Variants in MSI2 observed in about 807,000 individuals in gnomAD.
MSI2 encodes the protein RNA-binding protein Musashi homolog 2.
MSI2 carries 17 observed loss-of-function variants against 45.6 expected under a neutral mutation model. That is an observed-to-expected ratio of 0.37 (90% confidence interval 0.26 to 0.56). The LOEUF (loss-of-function observed/expected upper bound fraction) is 0.56. Among genes scored for constraint, MSI2 ranks in the 20% least tolerant of loss-of-function variants. The pLI is 0.77. For missense variants in MSI2, 293 were observed against 444.2 expected (o/e 0.66, Z 3.06); for synonymous variants, 156 against 158.2 (o/e 0.99, Z 0.11).
At position 57,630,188 on chromosome 17, in the gene MSI2, G is replaced by GGGC. The variant is rs1555634719; in HGVS notation, c.727+2887_727+2888insCGG. On this transcript the variant is annotated intron_variant, in intron 10 of 13. Coordinates refer to ENST00000284073, the MANE Select transcript of MSI2 (RefSeq NM_138962.4). ...CAAGACTTTGGGAACTGGGGGGGCG[G>GGGC]GGGATGGACTGGGCTGCAGGAAGGA... 4 of 148,400 alleles carry GGGC rather than the reference G, an allele frequency of 2.7e-5. No individual in the cohort carries two copies. In the East Asian group the frequency reaches 6.7e-4, roughly 25 times the overall value. The allele number at this position is 148,400 out of a possible 1,614,324, so 9.2% of individuals were successfully genotyped here.
chr17:57,336,848 G>A (rs1196443484), intron 5 of MSI2, among the ~76,000 whole-genome samples: 21 of 152,240 alleles, frequency 1.4e-4, no homozygotes, highest in South Asian at 1.2e-3. Flanking sequence ...ATCATCTCAC[G>A]GTGTCTGAGG....
the MSI2 span, among the ~76,000 whole-genome samples, chr17:57,692,791 T>C: frequency 6.6e-6 from 1 of 152,152 alleles, no homozygotes; most frequent in Non-Finnish European, 1.5e-5. Flanking sequence ...TGCATAATTT[T>C]GATGCTAAAT....
intron 5 of MSI2, chr17:57,263,485 C>T (rs1039744173): frequency 1.3e-5 from 2 of 152,188 alleles, no homozygotes; most frequent in African/African-American, 4.8e-5. Flanking sequence ...CTTCACATTT[C>T]AGAGGGCTTC....
chr17:57,627,266 C>T lies in MSI2; in HGVS notation c.690C>T (p.Tyr230=), dbSNP rs779937924. The part of the protein sequence containing the change: ...PNFVATYGRG[Y]PGFAPSYGYQ... ...TCGTGGCGACCTATGGCCGTGGCTA[C>T]CCCGGATTTGCTCCAAGCTATGGCT... is the stretch of plus-strand genomic sequence containing the variant. The change falls in exon 10 of 14, where the codon TAC becomes TAT. Residue 230 remains tyrosine, a synonymous_variant. Transcript: ENST00000284073. This position sits in a 1 kb window ranked among gnomAD's most constrained non-coding sequence, Gnocchi z 4.6. The T allele has an allele frequency of 6.2e-7, 1 of 1,614,050 alleles. No individual in the cohort carries two copies. Among genetic ancestry groups the T allele is most frequent in the Admixed American group, 1.7e-5 (1 of 60,000 alleles).
In MSI2 at chr17:57,348,612, C is replaced by T. The variant is rs574876436; in HGVS notation, c.313-52767C>T. Among the ~76,000 whole-genome samples, 6 of 152,260 alleles carry T rather than the reference C, an allele frequency of 3.9e-5. No homozygotes were observed. In the East Asian group the frequency reaches 7.7e-4, roughly 20 times the overall value. On this transcript the variant is annotated intron_variant, in intron 5 of 13. Coordinates refer to ENST00000284073, the MANE Select transcript of MSI2 (RefSeq NM_138962.4). The stretch of plus-strand genomic sequence containing the variant: ...CCTTTCTTGCCATGTGATACATTGG[C>T]TCCCCTTCCCCCTCCGCCATGATTA...
At chr17:57,576,921 G>A (rs556801016) in intron 7 of MSI2, among the ~76,000 whole-genome samples, 20 of 152,114 alleles carry the variant, frequency 1.3e-4, no homozygotes, top group African/African-American at 1.2e-4. Context: ...TGCTAAGGAC[G>A]CCACCACAAA....
intron 7 of MSI2, among the ~76,000 whole-genome samples, chr17:57,551,128 C>CTTA (rs896516873): frequency 5.9e-5 from 9 of 152,150 alleles, no homozygotes; most frequent in African/African-American, 2.2e-4. Flanking sequence ...CACATAATGG[C>CTTA]TTACTTCTGT....
chr17:57,306,606 C>A (rs1022529463), intron 5 of MSI2, among the ~76,000 whole-genome samples: 1 of 152,240 alleles, frequency 6.6e-6, no homozygotes, highest in Non-Finnish European at 1.5e-5. Context: ...GAAAGAGATC[C>A]TGTCACCCCT....
chr17:57,563,707 GTCTC>G (rs577585040), intron 7 of MSI2, among the ~76,000 whole-genome samples: 10 of 145,534 alleles, frequency 6.9e-5, no homozygotes, highest in Middle Eastern at 6.9e-3. Flanking sequence ...CTGTCTGTCT[GTCTC>G]TCTCTCTCTT....
At chr17:57,344,573 T>C (rs752943017) in intron 5 of MSI2, among the ~76,000 whole-genome samples, 3 of 152,218 alleles carry the variant, frequency 2.0e-5, no homozygotes, top group Non-Finnish European at 2.9e-5. Context: ...TACTAGAGCG[T>C]CTTTGCTCAA....
At chr17:57,589,706 C>A (rs1467754694) in intron 7 of MSI2, among the ~76,000 whole-genome samples, 1 of 152,208 alleles carries the variant, frequency 6.6e-6, no homozygotes, top group Non-Finnish European at 1.5e-5. Flanking sequence ...ACTTACTGAT[C>A]CAAAGAAGAC....
chr17:57,491,943 T>C (rs1007205757), intron 6 of MSI2, among the ~76,000 whole-genome samples: 4 of 152,178 alleles, frequency 2.6e-5, no homozygotes, highest in Admixed American at 6.5e-5. Context: ...TTAAAACTTA[T>C]TTTCTTTCTC....
At chr17:57,340,885 G>A (rs1240789200) in intron 5 of MSI2, among the ~76,000 whole-genome samples, 1 of 152,168 alleles carries the variant, frequency 6.6e-6, no homozygotes, top group Non-Finnish European at 1.5e-5. Context: ...TTTGCATCTT[G>A]GCTGCTCCTC....
At chr17:57,295,323 G>C (rs1299008579) in intron 5 of MSI2, among the ~76,000 whole-genome samples, 1 of 152,256 alleles carries the variant, frequency 6.6e-6, no homozygotes, top group Non-Finnish European at 1.5e-5. Flanking sequence ...GGAGCTAGAA[G>C]GGTGCTGGTG....
intron 6 of MSI2, among the ~76,000 whole-genome samples, chr17:57,478,976 A>G (rs186690873): frequency 3.2e-4 from 48 of 152,178 alleles, no homozygotes; most frequent in African/African-American, 1.1e-3. Flanking sequence ...TGGGGTGGAA[A>G]ACAGAACTCC....
At chr17:57,317,868 G>A (rs556349665) in intron 5 of MSI2, among the ~76,000 whole-genome samples, 9 of 152,242 alleles carry the variant, frequency 5.9e-5, no homozygotes, top group African/African-American at 1.7e-4. Context: ...CAGAATGTGG[G>A]CCAGGCACAG....
At chr17:57,674,491 C>T (rs1913077128) in intron 11 of MSI2, among the ~76,000 whole-genome samples, 1 of 151,596 alleles carries the variant, frequency 6.6e-6, no homozygotes. Context: ...AATATTAACA[C>T]AATGTGTAGT....
chr17:57,435,541 G>C (rs977443187), intron 6 of MSI2, among the ~76,000 whole-genome samples: 3 of 152,198 alleles, frequency 2.0e-5, no homozygotes, highest in Non-Finnish European at 4.4e-5. Flanking sequence ...AGCACCAAAG[G>C]TGATCTGGCT....
chr17:57,699,251 A>G, the MSI2 span, among the ~76,000 whole-genome samples: 1,169 of 127,214 alleles, frequency 9.2e-3, 17 homozygotes, highest in Middle Eastern at 0.036. Flanking sequence ...GCCACTCTCA[A>G]ATGACCCTAA....
Sources: allele counts gnomAD v4.1 joint callset (sites outside exome capture counted in the v4.1 genomes callset), GRCh38; gene constraint gnomAD v4.1.1; non-coding constraint Gnocchi (gnomAD v3.1); transcripts MANE v1.5; gene names NCBI Gene and HGNC (gene_info 2026-07-23, HGNC 2026-07-21).